The following RASGRF1 variants were observed in gnomAD, a reference collection of about 807,000 sequenced individuals.
The protein encoded by RASGRF1 is ras-specific guanine nucleotide-releasing factor 1.
In RASGRF1, 40 loss-of-function variants were observed where a neutral mutation model predicts 138.7. The ratio of observed to expected loss-of-function variants is 0.29; its 90% confidence interval spans 0.22 to 0.38. The LOEUF is 0.38. RASGRF1 is among the 10% of genes least tolerant of loss of function. The pLI, the probability that RASGRF1 is intolerant of heterozygous loss-of-function variation, is 1.00. For synonymous variants in RASGRF1, 614 were observed against 663.2 expected (o/e 0.93, Z 1.14); for missense variants, 1,108 against 1,650.4 (o/e 0.67, Z 5.69).
chr15:78,995,715 A>G (rs764358114), intron 20 of RASGRF1, 25 bp downstream of exon 20: 13 of 1,613,994 alleles, frequency 8.1e-6, no homozygotes, highest in Non-Finnish European at 1.0e-5. Context: ...AAGCCTTGGA[A>G]AGCAAGAGGG....
Position 79,020,093 on chromosome 15 carries a change from T to C in RASGRF1, c.1554A>G (p.Ile518Met). The C allele has an allele frequency of 6.2e-7, 1 of 1,614,016 alleles. No homozygotes were observed. The highest frequency in any genetic ancestry group is 8.5e-7 in the Non-Finnish European group (1 of 1,180,036). The change falls in exon 11 of 27, where the codon ATA becomes ATG. Residue 518 changes from isoleucine to methionine, a missense_variant. Around this residue, in one of 3 missense-constraint regions of RASGRF1, gnomAD observed 686 missense variants for 976.7 expected, o/e 0.70. Transcript: ENST00000558480. Reference sequence around the variant, plus strand: ...CCAATAAAGTGCAGTCAATGAGGGATATGACTCCATTCTGAAAAAGAGCAG... The same window carrying C: ...CCAATAAAGTGCAGTCAATGAGGGACATGACTCCATTCTGAAAAAGAGCAG... Reference protein sequence around the residue: ...GKLHLTKNGVISLIDCTLLEE... With the variant: ...GKLHLTKNGVMSLIDCTLLEE...
At chr15:79,008,556 A>T (rs954444449) in intron 13 of RASGRF1, among the ~76,000 whole-genome samples, 1 of 152,212 alleles carries the variant, frequency 6.6e-6, no homozygotes, top group African/African-American at 2.4e-5. Flanking sequence ...ATCCAAGGTC[A>T]GAAGGATTTC....
chr15:79,012,361 A>G, intron 13 of RASGRF1: 2 of 716,626 alleles, frequency 2.8e-6, no homozygotes, highest in Non-Finnish European at 4.9e-6. Flanking sequence ...TCTATCACTC[A>G]TCTTCTGGAC....
rs2057945222 is a variant in RASGRF1 at position 79,083,781 on chromosome 15, GT to G, written c.276+6441del. 2.6e-5 allele frequency among the ~76,000 whole-genome samples: 4 copies of G among 152,276 alleles called. No homozygotes were observed. In the South Asian group the frequency reaches 8.3e-4, roughly 32 times the overall value. On this transcript the variant is annotated intron_variant, in intron 1 of 26. Coordinates refer to ENST00000558480, the MANE Select transcript of RASGRF1 (RefSeq NM_001145648.3). ...AACAACTTAACATCTCTGAGCCTCA[GT>G]TTTGTCATCTAGAAAATGGGCAATT...
chr15:79,012,685 A>T (rs2056819171), intron 13 of RASGRF1, among the ~76,000 whole-genome samples: 1 of 150,916 alleles, frequency 6.6e-6, no homozygotes, highest in Admixed American at 6.6e-5. Flanking sequence ...TTTCATCCGC[A>T]CTCTCTCTTT....
chr15:79,022,886 C>A (rs1207109823), intron 10 of RASGRF1, among the ~76,000 whole-genome samples: 1 of 152,062 alleles, frequency 6.6e-6, no homozygotes, highest in Non-Finnish European at 1.5e-5. Flanking sequence ...ATTAAGAGCA[C>A]CCTCTGGGCC....
chr15:79,069,322 C>A (rs1276159110), intron 1 of RASGRF1, among the ~76,000 whole-genome samples: 1 of 152,210 alleles, frequency 6.6e-6, no homozygotes, highest in Non-Finnish European at 1.5e-5. Context: ...AATGATTTTG[C>A]AAGCAACCTT....
chr15:78,988,610 G>A (rs142317971), intron 22 of RASGRF1, among the ~76,000 whole-genome samples: 6 of 152,322 alleles, frequency 3.9e-5, no homozygotes, highest in African/African-American at 7.2e-5. Context: ...GTGTGCTGGC[G>A]GCTGGGGTTG....
chr15:79,065,277 G>A (rs2057662878), intron 1 of RASGRF1, among the ~76,000 whole-genome samples: 1 of 152,214 alleles, frequency 6.6e-6, no homozygotes, highest in South Asian at 2.1e-4. Flanking sequence ...AGGGAGATCA[G>A]GAGGGCTTCC....
Position 79,077,242 on chromosome 15 carries a change from A to G in RASGRF1, c.277-12716T>C, listed in dbSNP as rs113423728. The stretch of plus-strand genomic sequence containing the variant: ...GTCTACCAGGGTTTGGAGTCATCAG[A>G]CCTGGGTTCAAATTTATTATTTATT... On this transcript the variant is annotated intron_variant, in intron 1 of 26. Transcript: ENST00000558480. Among the ~76,000 whole-genome samples the G allele has an allele frequency of 8.3e-3, 1,263 of 152,210 alleles. 25 individuals carry two copies. The highest frequency in any genetic ancestry group is 0.029 in the African/African-American group (1,186 of 41,514).
intron 26 of RASGRF1, among the ~76,000 whole-genome samples, chr15:78,966,323 A>G (rs2055644103): frequency 6.8e-6 from 1 of 147,740 alleles, no homozygotes; most frequent in South Asian, 2.1e-4. Context: ...TGTAGCCTCA[A>G]CCTCTTGGGC....
Position 78,961,956 on chromosome 15 carries a change from T to C in RASGRF1, c.*188A>G. 2 of 518,396 alleles carry C rather than the reference T, an allele frequency of 3.9e-6. No homozygotes were observed. The highest frequency in any genetic ancestry group is 3.2e-5 in the East Asian group (1 of 30,866). 32.1% of individuals were successfully genotyped at this position (518,396 alleles called of 1,614,324 possible). The stretch of plus-strand genomic sequence containing the variant: ...GCACTGCAGGAGACGAGGGGAGGGA[T>C]GGGTGGGCGAAGTCTGAAACGGTGC... On this transcript the variant is annotated 3_prime_UTR_variant, in exon 27 of 27. Transcript: ENST00000558480.
In RASGRF1 at chr15:79,050,348, G is replaced by C. The variant is rs1357605967; in HGVS notation, c.532-760C>G. Among the ~76,000 whole-genome samples, 2 of 152,184 alleles carry C rather than the reference G, an allele frequency of 1.3e-5. No individual in the cohort carries two copies. The highest frequency in any genetic ancestry group is 4.8e-5 in the African/African-American group (2 of 41,442). On this transcript the variant is annotated intron_variant, in intron 3 of 26. Coordinates refer to ENST00000558480, the MANE Select transcript of RASGRF1 (RefSeq NM_001145648.3). This position sits in a 1 kb window ranked among gnomAD's most constrained non-coding sequence, Gnocchi z 4.1. ...CAATTTCCTTCCCTTTCAAGGCCAA[G>C]CAATATTCCCTTGTGTGTGTAGACC...
intron 2 of RASGRF1, among the ~76,000 whole-genome samples, chr15:79,063,965 C>T (rs2057642626): frequency 6.6e-6 from 1 of 152,106 alleles, no homozygotes; most frequent in Non-Finnish European, 1.5e-5. Flanking sequence ...GAGGAGCAGG[C>T]CTAGAATCCC....
At chr15:79,001,559 C>G (rs1242004940) in intron 16 of RASGRF1, 103 bp downstream of exon 16, 2 of 1,374,788 alleles carry the variant, frequency 1.5e-6, no homozygotes, top group Non-Finnish European at 2.0e-6. Flanking sequence ...AGGAGTCACT[C>G]ATAAAGCATA....
chr15:78,962,220 A>C lies in RASGRF1; in HGVS notation c.3698T>G (p.Leu1233Arg). Residue 1233 changes from leucine (L) to arginine (R), a missense_variant, in exon 27 of 27, where the codon CTG becomes CGG. Transcript: ENST00000558480. ...EHQAKVTQYL[L>R]DQSFVMDEES... ...TTCATCCATTACAAAAGATTGGTCC[A>C]GTAAATATTGCGTTACCTGAGAAAA... 6.4e-7 allele frequency: 1 copy of C among 1,574,614 alleles called. No individual in the cohort carries two copies. The highest frequency in any genetic ancestry group is 8.7e-7 in the Non-Finnish European group (1 of 1,153,204).
At chr15:79,039,916 T>G (rs1377661867) in intron 5 of RASGRF1, among the ~76,000 whole-genome samples, 1 of 152,012 alleles carries the variant, frequency 6.6e-6, no homozygotes, top group African/African-American at 2.4e-5. Context: ...ACTACAGGTG[T>G]GTACCACCAT....
chr15:78,962,078 A>G lies in RASGRF1; in HGVS notation c.*66T>C. On this transcript the variant is annotated 3_prime_UTR_variant, in exon 27 of 27. Coordinates refer to ENST00000558480, the MANE Select transcript of RASGRF1 (RefSeq NM_001145648.3). The stretch of plus-strand genomic sequence containing the variant: ...GAAGAAGAAAATCCAGTGAAACCAA[A>G]CGAATATGTACAGTATCATCTAGCA... The G allele has an allele frequency of 2.0e-6, 2 of 1,006,068 alleles. No individual in the cohort carries two copies. The highest frequency in any genetic ancestry group is 1.5e-5 in the South Asian group (1 of 68,530). The allele number at this position is 1,006,068 out of a possible 1,614,324, so 62.3% of individuals were successfully genotyped here.
chr15:78,980,846 C>T, intron 23 of RASGRF1, 147 bp from the exon 24 acceptor site: 1 of 537,914 alleles, frequency 1.9e-6, no homozygotes, highest in Non-Finnish European at 3.2e-6. Context: ...TGTTTGGGCA[C>T]CTTGCCCCTG....
Sources: gnomAD v4.1 joint callset for allele counts (sites outside exome capture counted in the v4.1 genomes callset) on GRCh38, gnomAD v4.1.1 for gene constraint, gnomAD v4.1.1 regional missense constraint, Gnocchi (gnomAD v3.1) non-coding constraint, MANE v1.5 for transcripts, NCBI Gene and HGNC (gene_info 2026-07-23, HGNC 2026-07-21) for gene names.